AGBL4: variants seen among roughly 807,000 people sequenced by gnomAD.
The protein encoded by AGBL4 is cytosolic carboxypeptidase 6.
Under a neutral mutation model 66.4 loss-of-function variants are expected in AGBL4, and 58 were observed. That is an observed-to-expected ratio of 0.87 (90% confidence interval 0.71 to 1.09). The LOEUF (loss-of-function observed/expected upper bound fraction) is 1.09. Among genes scored for constraint, AGBL4 ranks in the 50% least tolerant of loss-of-function variants. AGBL4 has a pLI of 0.00. For missense variants in AGBL4, 579 were observed against 631.0 expected (o/e 0.92, Z 0.88); for synonymous variants, 234 against 222.9 (o/e 1.05, Z -0.44).
chr1:49,533,078 G>A (rs1015032302), intron 3 of AGBL4, among the ~76,000 whole-genome samples: 4 of 152,102 alleles, frequency 2.6e-5, no homozygotes, highest in African/African-American at 7.2e-5. Flanking sequence ...AAGTTACTAT[G>A]AACTCATTAA....
chr1:48,568,326 G>A (rs1455307790), intron 11 of AGBL4, among the ~76,000 whole-genome samples: 1 of 151,946 alleles, frequency 6.6e-6, no homozygotes, highest in Non-Finnish European at 1.5e-5. Flanking sequence ...AAACCAGTCT[G>A]CAGGTGGCTG....
chr1:48,920,999 T>G (rs1654029955), intron 5 of AGBL4, among the ~76,000 whole-genome samples: 1 of 152,248 alleles, frequency 6.6e-6, no homozygotes, highest in Non-Finnish European at 1.5e-5. Context: ...TTCTATTGAT[T>G]ACACATTCCA....
intron 1 of AGBL4, among the ~76,000 whole-genome samples, chr1:50,003,727 G>A (rs1479572374): frequency 3.3e-5 from 5 of 152,218 alleles, no homozygotes; most frequent in Admixed American, 6.5e-5. Flanking sequence ...GGCTTATTCA[G>A]TAGGCCAGTG....
At chr1:48,714,851 G>A (rs780732989) in intron 6 of AGBL4, among the ~76,000 whole-genome samples, 5 of 152,190 alleles carry the variant, frequency 3.3e-5, no homozygotes, top group Non-Finnish European at 7.3e-5. Context: ...TTGCTGAAGG[G>A]ACACTGAGAT....
At chr1:49,587,591 G>T (rs1272235751) in intron 3 of AGBL4, among the ~76,000 whole-genome samples, 1 of 152,082 alleles carries the variant, frequency 6.6e-6, no homozygotes, top group African/African-American at 2.4e-5. Context: ...GTATGCAAAA[G>T]GCTCTATTCT....
intron 3 of AGBL4, among the ~76,000 whole-genome samples, chr1:49,411,534 T>C (rs944654508): frequency 3.9e-5 from 6 of 151,966 alleles, no homozygotes; most frequent in African/African-American, 9.7e-5. Flanking sequence ...TCACAGAAAG[T>C]TAAAGCATTT....
chr1:48,981,346 T>A (rs1299577003), intron 5 of AGBL4, among the ~76,000 whole-genome samples: 1 of 152,180 alleles, frequency 6.6e-6, no homozygotes, highest in Non-Finnish European at 1.5e-5. Flanking sequence ...CTAAGGACTT[T>A]ATGGGTGTAA....
At chr1:49,767,494 C>T (rs1643918203) in intron 2 of AGBL4, among the ~76,000 whole-genome samples, 1 of 151,954 alleles carries the variant, frequency 6.6e-6, no homozygotes, top group African/African-American at 2.4e-5. Flanking sequence ...TAAACACCTA[C>T]ATCAAGAAGT....
intron 2 of AGBL4, among the ~76,000 whole-genome samples, chr1:49,731,441 C>T (rs2124714254): frequency 6.6e-6 from 1 of 152,154 alleles, no homozygotes; most frequent in East Asian, 1.9e-4. Flanking sequence ...AAAATTATGC[C>T]AGATATACAC....
At chr1:48,750,156 T>C (rs1651454723) in intron 6 of AGBL4, among the ~76,000 whole-genome samples, 1 of 152,190 alleles carries the variant, frequency 6.6e-6, no homozygotes, top group Non-Finnish European at 1.5e-5. Context: ...CTTTGCTAAA[T>C]GGCTGTTGAT....
intron 3 of AGBL4, among the ~76,000 whole-genome samples, chr1:49,282,377 T>G (rs529427139): frequency 1.3e-5 from 2 of 151,304 alleles, no homozygotes; most frequent in Admixed American, 6.6e-5. Flanking sequence ...AAAAAAGGAG[T>G]AGGGGTATGG....
At chr1:49,942,207 T>C (rs1333731636) in intron 1 of AGBL4, among the ~76,000 whole-genome samples, 1 of 152,020 alleles carries the variant, frequency 6.6e-6, no homozygotes, top group African/African-American at 2.4e-5. Flanking sequence ...CAAATAAATA[T>C]AAACCTCATG....
intron 12 of AGBL4, among the ~76,000 whole-genome samples, chr1:48,537,726 ATT>A (rs1643996674): frequency 6.6e-6 from 1 of 152,240 alleles, no homozygotes; most frequent in Non-Finnish European, 1.5e-5. Context: ...AGATAATTTT[ATT>A]TAGGCAGAGG....
At chr1:49,891,016 T>A (rs1258221162) in intron 1 of AGBL4, among the ~76,000 whole-genome samples, 2 of 152,186 alleles carry the variant, frequency 1.3e-5, no homozygotes, top group Non-Finnish European at 2.9e-5. Context: ...GAGGAGGTAC[T>A]ACTTTAGATA....
In AGBL4 at chr1:49,072,366, G is replaced by T. The variant is rs187454101; in HGVS notation, c.378-26566C>A. ...TGGTCTTTACAATGTGGCATGTTTT[G>T]CAGTGGCTGGTACCGGTTGTCCCTT... On this transcript the variant is annotated intron_variant, in intron 4 of 13. Transcript: ENST00000371839. Among the ~76,000 whole-genome samples the T allele has an allele frequency of 1.8e-3, 276 of 152,270 alleles. 2 individuals are homozygous for T. Among genetic ancestry groups the T allele is most frequent in the African/African-American group, 6.3e-3 (262 of 41,552 alleles).
chr1:49,654,649 G>C (rs1235616309), intron 3 of AGBL4, among the ~76,000 whole-genome samples: 1 of 152,186 alleles, frequency 6.6e-6, no homozygotes, highest in Non-Finnish European at 1.5e-5. Flanking sequence ...AGCTCTTCTT[G>C]TTGAATTGAT....
intron 2 of AGBL4, among the ~76,000 whole-genome samples, chr1:49,781,272 T>C (rs1644330444): frequency 6.6e-6 from 1 of 152,076 alleles, no homozygotes; most frequent in South Asian, 2.1e-4. Flanking sequence ...TGTACACCTA[T>C]AATCCTAGCT....
At chr1:49,282,449 G>C (rs1644295706) in intron 3 of AGBL4, among the ~76,000 whole-genome samples, 1 of 152,146 alleles carries the variant, frequency 6.6e-6, no homozygotes, top group South Asian at 2.1e-4. Flanking sequence ...ATTATACTAT[G>C]TAAAACAACT....
chr1:49,860,703 A>T (rs923167335), intron 1 of AGBL4, among the ~76,000 whole-genome samples: 2 of 152,152 alleles, frequency 1.3e-5, no homozygotes, highest in Admixed American at 6.5e-5. Context: ...TCTCAAAAAA[A>T]TAGTAATAAG....
Sources: allele counts gnomAD v4.1 joint callset (sites outside exome capture counted in the v4.1 genomes callset), GRCh38; gene constraint gnomAD v4.1.1; transcripts MANE v1.5; gene names NCBI Gene and HGNC (gene_info 2026-07-23, HGNC 2026-07-21).